The following MAP1B variants were observed in gnomAD, a reference collection of about 807,000 sequenced individuals.
The protein encoded by MAP1B is microtubule associated protein 1B.
MAP1B carries 12 observed loss-of-function variants against 176.1 expected under a neutral mutation model. The ratio of observed to expected loss-of-function variants is 0.07; its 90% CI spans 0.04 to 0.11. The LOEUF (loss-of-function observed/expected upper bound fraction) is 0.11, where lower values mean the gene tolerates loss of function less well. Ranked by LOEUF, MAP1B falls within the 10% of genes least tolerant of loss-of-function variation. The pLI is 1.00. For synonymous variants in MAP1B, 1,044 were observed against 1,135.0 expected, an observed-to-expected ratio of 0.92 and a Z score of 1.61; for missense variants, 2,523 against 2,990.5, an observed-to-expected ratio of 0.84 and a Z score of 3.65.
chr5:72,197,363 C>T lies in MAP1B; in HGVS notation c.4008C>T (p.Tyr1336=), dbSNP rs771081682. The T allele has an allele frequency of 1.2e-6, 2 of 1,614,212 alleles. No individual in the cohort carries two copies. The highest frequency in any genetic ancestry group is 1.7e-6 in the Non-Finnish European group (2 of 1,180,044). The change falls in exon 5 of 7, where the codon TAC becomes TAT. Residue 1336 remains tyrosine (Y), a synonymous_variant. Transcript: ENST00000296755. The part of the protein sequence containing the change: ...SVTGSAGHTP[Y]YQSPTDEKSS... ...CTGGCAGTGCTGGTCACACACCTTACTATCAATCTCCTACTGACGAGAAAT... is the reference window on the plus strand; with the variant it reads ...CTGGCAGTGCTGGTCACACACCTTATTATCAATCTCCTACTGACGAGAAAT...
At chr5:72,176,894 G>A (rs766678986) in intron 2 of MAP1B, among the ~76,000 whole-genome samples, 4 of 152,236 alleles carry the variant, frequency 2.6e-5, no homozygotes, top group Admixed American at 6.5e-5. Flanking sequence ...AGATGAATGA[G>A]TTGATTGGGG....
intron 2 of MAP1B, 62 bp from the exon 3 acceptor site, chr5:72,183,680 AG>A (rs1367735265): frequency 1.0e-5 from 12 of 1,204,520 alleles, no homozygotes; most frequent in Non-Finnish European, 1.5e-5. Context: ...AGGAGCAGGC[AG>A]GGCAGTTTTT....
chr5:72,177,873 A>C (rs1398556040), intron 2 of MAP1B, among the ~76,000 whole-genome samples: 2 of 152,218 alleles, frequency 1.3e-5, no homozygotes, highest in Non-Finnish European at 1.5e-5. Context: ...TTACTTTGGT[A>C]AAGAGGTTGA....
chr5:72,148,623 G>C (rs1746087951), intron 2 of MAP1B, among the ~76,000 whole-genome samples: 1 of 152,234 alleles, frequency 6.6e-6, no homozygotes, highest in Non-Finnish European at 1.5e-5. Flanking sequence ...CAGACTTGGA[G>C]AGCCACTGCC....
chr5:72,143,507 T>G (rs1745987407), intron 2 of MAP1B, among the ~76,000 whole-genome samples: 1 of 152,148 alleles, frequency 6.6e-6, no homozygotes, highest in Non-Finnish European at 1.5e-5. Context: ...CCAGCTCTGG[T>G]TTTTTAATTC....
chr5:72,193,767 C>T, intron 4 of MAP1B, 99 bp from the exon 5 acceptor site: 1 of 1,327,856 alleles, frequency 7.5e-7, no homozygotes, highest in Non-Finnish European at 1.0e-6. Context: ...CTATGTGCAT[C>T]CTGTGATCCT....
chr5:72,111,561 A>G (rs1238120861), intron 1 of MAP1B, among the ~76,000 whole-genome samples: 3 of 152,230 alleles, frequency 2.0e-5, no homozygotes, highest in Admixed American at 2.0e-4. Flanking sequence ...GGGAAATAAG[A>G]AACCAATACC....
intron 4 of MAP1B, among the ~76,000 whole-genome samples, chr5:72,192,356 C>T (rs1417139311): frequency 2.0e-5 from 3 of 152,148 alleles, no homozygotes; most frequent in Admixed American, 1.3e-4. Context: ...TTCTTAGCTC[C>T]CAAAAACAGG....
chr5:72,206,191 C>T lies in MAP1B; in HGVS notation c.*952C>T, dbSNP rs1747442821. The stretch of plus-strand genomic sequence containing the variant: ...GTAGACAATTTGCCTTAGGAAGTGA[C>T]TTGAATGTACAAAGATACTTGATGC... On this transcript the variant is annotated 3_prime_UTR_variant, in exon 7 of 7. Coordinates refer to ENST00000296755, the MANE Select transcript of MAP1B (RefSeq NM_005909.5). 1 of 152,652 alleles carries T rather than the reference C, an allele frequency of 6.6e-6. No individual in the cohort carries two copies. The highest frequency in any genetic ancestry group is 2.4e-5 in the African/African-American group (1 of 41,454). The allele number at this position is 152,652 out of a possible 1,614,324, so 9.5% of individuals were successfully genotyped here.
At chr5:72,177,740 T>C (rs1746679120) in intron 2 of MAP1B, among the ~76,000 whole-genome samples, 1 of 152,214 alleles carries the variant, frequency 6.6e-6, no homozygotes, top group South Asian at 2.1e-4. Flanking sequence ...GGTTAGTTAT[T>C]AATTCTTAGT....
intron 2 of MAP1B, among the ~76,000 whole-genome samples, chr5:72,161,905 C>T (rs1039548319): frequency 7.0e-5 from 10 of 143,422 alleles, no homozygotes; most frequent in African/African-American, 2.1e-4. Flanking sequence ...TGCAGTGAGC[C>T]GAGATCGCGC....
intron 2 of MAP1B, among the ~76,000 whole-genome samples, chr5:72,152,173 C>G (rs1304566275): frequency 6.6e-6 from 1 of 152,154 alleles, no homozygotes; most frequent in African/African-American, 2.4e-5. Flanking sequence ...GAACAGCATT[C>G]TAGCAGGGTG....
chr5:72,165,020 T>A (rs967927582), intron 2 of MAP1B, among the ~76,000 whole-genome samples: 12 of 152,172 alleles, frequency 7.9e-5, no homozygotes, highest in Non-Finnish European at 1.3e-4. Context: ...AGTGCCCTAC[T>A]GTTGCTATTT....
chr5:72,158,220 G>T (rs1746264409), intron 2 of MAP1B, among the ~76,000 whole-genome samples: 1 of 151,230 alleles, frequency 6.6e-6, no homozygotes, highest in Non-Finnish European at 1.5e-5. Flanking sequence ...ATATTGTCCA[G>T]GGTGGTCTCG....
chr5:72,125,641 G>C, intron 2 of MAP1B, among the ~76,000 whole-genome samples: 1 of 152,080 alleles, frequency 6.6e-6, no homozygotes, highest in East Asian at 1.9e-4. Context: ...TTGCAAGGAG[G>C]TCCTTCTGTA....
intron 2 of MAP1B, among the ~76,000 whole-genome samples, chr5:72,182,667 G>A (rs1212595005): frequency 3.3e-5 from 5 of 152,160 alleles, no homozygotes; most frequent in Admixed American, 6.5e-5. Context: ...GTTGCTTTTG[G>A]TCATTCTCTC....
intron 2 of MAP1B, among the ~76,000 whole-genome samples, chr5:72,168,274 G>A (rs1156391333): frequency 6.6e-6 from 1 of 152,352 alleles, no homozygotes; most frequent in East Asian, 1.9e-4. Flanking sequence ...TGCTTTCTGG[G>A]CAGGAATCAG....
chr5:72,152,351 C>T (rs1041834482), intron 2 of MAP1B, among the ~76,000 whole-genome samples: 1 of 152,190 alleles, frequency 6.6e-6, no homozygotes, highest in Non-Finnish European at 1.5e-5. Context: ...CCCGTTCACT[C>T]CCCTTCCTAC....
intron 2 of MAP1B, among the ~76,000 whole-genome samples, chr5:72,160,534 G>A (rs985881904): frequency 1.3e-5 from 2 of 152,162 alleles, no homozygotes; most frequent in African/African-American, 4.8e-5. Context: ...GTGGTTGGTT[G>A]TTCCATGGTG....
Sources: gnomAD v4.1 joint callset for allele counts (sites outside exome capture counted in the v4.1 genomes callset) on GRCh38, gnomAD v4.1.1 for gene constraint, MANE v1.5 for transcripts, NCBI Gene and HGNC (gene_info 2026-07-23, HGNC 2026-07-21) for gene names.